NUP155: variants seen among roughly 807,000 people sequenced by gnomAD.
NUP155 encodes nucleoporin 155.
NUP155 carries 71 observed loss-of-function variants against 180.4 expected under a neutral mutation model. That is an observed-to-expected ratio of 0.39 (90% CI 0.33 to 0.48). NUP155 has a LOEUF of 0.48. Among genes scored for constraint, NUP155 ranks in the 20% least tolerant of loss-of-function variants. The pLI, the probability that NUP155 is intolerant of heterozygous loss-of-function variation, is 0.91. For missense variants in NUP155, 1,553 were observed against 1,648.9 expected (o/e 0.94, Z 1.01); for synonymous variants, 582 against 559.5 (o/e 1.04, Z -0.57).
At chr5:37,308,126 T>A (rs766700429) in intron 24 of NUP155, among the ~76,000 whole-genome samples, 1 of 152,018 alleles carries the variant, frequency 6.6e-6, no homozygotes. Flanking sequence ...AGTAATTTTT[T>A]AAAAAGTAAG....
rs1244442616 is a variant in NUP155 at position 37,370,951 on chromosome 5, C to T, written c.27G>A (p.Ala9=). The change falls in exon 1 of 35, where the codon GCG becomes GCA. Residue 9 remains alanine (A), a synonymous_variant. Coordinates refer to ENST00000231498, the MANE Select transcript of NUP155 (RefSeq NM_153485.3). ...CTGCGGCAGATGTAGAGGCCGGCATCGCCGCGCCCAACAAAGAAGACGGCA... is the reference window on the plus strand; with the variant it reads ...CTGCGGCAGATGTAGAGGCCGGCATTGCCGCGCCCAACAAAGAAGACGGCA... MPSSLLGA[A]MPASTSAAAL... 1 of 1,613,980 alleles carries T rather than the reference C, an allele frequency of 6.2e-7. No homozygotes were observed. Among genetic ancestry groups the T allele is most frequent in the East Asian group, 2.2e-5 (1 of 44,902 alleles).
At chr5:37,324,794 C>T (rs1036141443) in intron 19 of NUP155, among the ~76,000 whole-genome samples, 7 of 152,148 alleles carry the variant, frequency 4.6e-5, no homozygotes, top group African/African-American at 1.7e-4. Context: ...CTCAAGCCTT[C>T]CAAAGCATTG....
chr5:37,324,161 A>C, intron 19 of NUP155, 54 bp from the exon 20 acceptor site: 1 of 1,031,712 alleles, frequency 9.7e-7, no homozygotes. Flanking sequence ...CTGTATAGCT[A>C]TAATATAAAC....
At position 37,318,092 on chromosome 5, in the gene NUP155, CAG is replaced by C; in HGVS notation, c.2208-9_2208-8del. ...CTGCACTTTAGCAGTAGTACTGAAA[CAG>C]AAATTGCAGAATGTGTGTGTTTATA... is the stretch of plus-strand genomic sequence containing the variant. On this transcript the variant is annotated splice_region_variant and splice_polypyrimidine_tract_variant and intron_variant, in intron 20 of 34. Transcript: ENST00000231498. The C allele has an allele frequency of 6.7e-7, 1 of 1,496,154 alleles. No homozygotes were observed. The highest frequency in any genetic ancestry group is 9.3e-7 in the Non-Finnish European group (1 of 1,072,466). 92.7% of individuals were successfully genotyped at this position (1,496,154 alleles called of 1,614,324 possible).
chr5:37,332,073 T>G (rs1054943861), intron 13 of NUP155, among the ~76,000 whole-genome samples: 2 of 151,196 alleles, frequency 1.3e-5, no homozygotes, highest in Non-Finnish European at 2.9e-5. Flanking sequence ...TAAAGAAAAC[T>G]TAATGCAATT....
rs1306587104 is a variant in NUP155 at position 37,309,533 on chromosome 5, C to T, written c.2629-266G>A. On this transcript the variant is annotated intron_variant, in intron 23 of 34. Transcript: ENST00000231498. ...GCCTAGTCAATACATTATTGGGCAG[C>T]AGGCAGTCCATGTGACACTGATTTA... 9.6e-6 allele frequency: 4 copies of T among 414,954 alleles called. No individual in the cohort carries two copies. In the East Asian group the frequency reaches 1.4e-4, roughly 15 times the overall value. The allele number at this position is 414,954 out of a possible 1,614,324, so 25.7% of individuals were successfully genotyped here. A position where few individuals can be genotyped will look rare whatever the true frequency, so the allele number is the denominator to read the frequency against.
At chr5:37,363,782 A>T in intron 3 of NUP155, 106 bp downstream of exon 3, 1 of 765,252 alleles carries the variant, frequency 1.3e-6, no homozygotes. Context: ...CCCAAAGGCT[A>T]GATGAATGAA....
Position 37,291,842 on chromosome 5 carries a change from G to A in NUP155, c.*58C>T. Reference sequence around the variant, plus strand: ...TTAGATTTAGAACACCTGATATCTGGACCCAGCTGAGTTTTTATTTTACAG... The same window carrying A: ...TTAGATTTAGAACACCTGATATCTGAACCCAGCTGAGTTTTTATTTTACAG... On this transcript the variant is annotated 3_prime_UTR_variant, in exon 35 of 35. Transcript: ENST00000231498. 6.6e-7 allele frequency: 1 copy of A among 1,509,304 alleles called. No homozygotes were observed. The highest frequency in any genetic ancestry group is 9.2e-7 in the Non-Finnish European group (1 of 1,085,724). 93.5% of individuals were successfully genotyped at this position (1,509,304 alleles called of 1,614,324 possible).
intron 4 of NUP155, among the ~76,000 whole-genome samples, chr5:37,353,410 C>T (rs1746599036): frequency 6.6e-6 from 1 of 151,870 alleles, no homozygotes; most frequent in African/African-American, 2.4e-5. Context: ...TGGTGAAACC[C>T]CATCTCTACT....
chr5:37,329,606 G>A (rs955869834), intron 15 of NUP155, among the ~76,000 whole-genome samples: 2 of 152,100 alleles, frequency 1.3e-5, no homozygotes, highest in Admixed American at 6.6e-5. Flanking sequence ...TTCAAAAAAC[G>A]TTTCTAACAA....
In NUP155 at chr5:37,350,864, T is replaced by C. The variant is rs911590597; in HGVS notation, c.723+326A>G. ...AAGCAATTACGAATTAAATCAATAA[T>C]CCAAGTGAAAACACATATTTGCAAA... On this transcript the variant is annotated intron_variant, in intron 6 of 34. Coordinates refer to ENST00000231498, the MANE Select transcript of NUP155 (RefSeq NM_153485.3). 2.8e-5 allele frequency among the ~76,000 whole-genome samples: 4 copies of C among 140,574 alleles called. No individual in the cohort carries two copies. The East Asian group carries it at 8.9e-4, about 31-fold the overall frequency. 92.2% of individuals were successfully genotyped at this position (140,574 alleles called of 152,430 possible). A position where few individuals can be genotyped will look rare whatever the true frequency, so the allele number is the denominator to read the frequency against.
At chr5:37,305,422 C>A (rs970233044) in intron 25 of NUP155, among the ~76,000 whole-genome samples, 4 of 152,134 alleles carry the variant, frequency 2.6e-5, no homozygotes, top group African/African-American at 9.7e-5. Context: ...TGCCTCACAC[C>A]TGTAATCCCA....
At chr5:37,293,060 A>T in intron 33 of NUP155, 75 bp from the exon 34 acceptor site, 1 of 1,002,940 alleles carries the variant, frequency 1.0e-6, no homozygotes, top group South Asian at 1.3e-5. Context: ...ATACTAAAGT[A>T]GACATCAGGA....
At position 37,329,477 on chromosome 5, in the gene NUP155, A is replaced by G. The variant is rs561176485; in HGVS notation, c.1725-199T>C. ...CAGTAAATGTGGACTTGAAACTGCT[A>G]CCAGGAAGAATTATAAGGGACTCTG... On this transcript the variant is annotated intron_variant, in intron 15 of 34. Coordinates refer to ENST00000231498, the MANE Select transcript of NUP155 (RefSeq NM_153485.3). Among the ~76,000 whole-genome samples the G allele has an allele frequency of 2.0e-5, 3 of 152,338 alleles. No homozygotes were observed. The East Asian group carries it at 5.8e-4, about 29-fold the overall frequency.
chr5:37,339,456 C>A (rs570139887), intron 11 of NUP155, among the ~76,000 whole-genome samples: 1 of 151,998 alleles, frequency 6.6e-6, no homozygotes, highest in African/African-American at 2.4e-5. Flanking sequence ...GGTGAAACCC[C>A]GTCTCTACAA....
intron 32 of NUP155, among the ~76,000 whole-genome samples, chr5:37,294,999 ATAATT>A (rs1742445443): frequency 6.6e-6 from 1 of 152,180 alleles, no homozygotes; most frequent in Non-Finnish European, 1.5e-5. Context: ...GACTTCACTG[ATAATT>A]TTTTTTAGTA....
chr5:37,295,489 C>T (rs1217149811), intron 32 of NUP155, among the ~76,000 whole-genome samples: 4 of 151,820 alleles, frequency 2.6e-5, no homozygotes, highest in Admixed American at 2.0e-4. Context: ...AAGTGAGGAG[C>T]GTCTCTGCCT....
rs187469254 is a variant in NUP155, at chr5:37,339,888, A to G, written c.1246+1202T>C. On this transcript the variant is annotated intron_variant, in intron 11 of 34. Transcript: ENST00000231498. ...AAGCGATTCTCTTGCCTCAGCCCACAAGAAGCTGTGACTACAGACATGCCC... is the reference window on the plus strand; with the variant it reads ...AAGCGATTCTCTTGCCTCAGCCCACGAGAAGCTGTGACTACAGACATGCCC... Among the ~76,000 whole-genome samples, 129 of 152,162 alleles carry G rather than the reference A, an allele frequency of 8.5e-4. 1 individual carries two copies. Among genetic ancestry groups the G allele is most frequent in the Non-Finnish European group, 1.6e-3 (107 of 68,014 alleles).
Position 37,302,775 on chromosome 5 carries a change from T to C in NUP155, c.3447+4A>G. 6.2e-7 allele frequency: 1 copy of C among 1,614,026 alleles called. No homozygotes were observed. The highest frequency in any genetic ancestry group is 8.5e-7 in the Non-Finnish European group (1 of 1,179,934). On this transcript the variant is annotated splice_donor_region_variant and intron_variant, in intron 29 of 34. Transcript: ENST00000231498. ...GGACACAGCTTAAGATCTTTAGCAC[T>C]TACCTCCATTTTTTCTTCTAATTCA...
Sources: gnomAD v4.1 joint callset for allele counts (sites outside exome capture counted in the v4.1 genomes callset) on GRCh38, gnomAD v4.1.1 for gene constraint, MANE v1.5 for transcripts, NCBI Gene and HGNC (gene_info 2026-07-23, HGNC 2026-07-21) for gene names.